Variants in SLC5A11 observed in about 807,000 individuals in gnomAD.
SLC5A11 encodes solute carrier family 5 member 11, also known as sodium/myo-inositol cotransporter 2.
A neutral mutation model predicts 69.8 loss-of-function variants in SLC5A11; 48 were observed. The ratio of observed to expected loss-of-function variants is 0.69; its 90% CI spans 0.55 to 0.87. The LOEUF is 0.87. Among genes scored for constraint, SLC5A11 ranks in the 40% least tolerant of loss-of-function variants. The pLI, the probability that SLC5A11 is intolerant of heterozygous loss-of-function variation, is 0.00. For synonymous variants in SLC5A11, 319 were observed against 342.4 expected, an observed-to-expected ratio of 0.93 and a Z score of 0.75; for missense variants, 784 against 866.1, an observed-to-expected ratio of 0.91 and a Z score of 1.19.
At position 24,849,572 on chromosome 16, in the gene SLC5A11, C is replaced by CAAAAAAAAAAAAAAA. The variant is rs1182615959; in HGVS notation, c.-25+3142_-25+3156dup. On this transcript the variant is annotated intron_variant, in intron 1 of 15. Coordinates refer to ENST00000347898, the Ensembl canonical transcript of SLC5A11. ...ACAGAGCGAGACTCTGCCTTGGGGG[C>CAAAAAAAAAAAAAAA]AAAAAAAAAAAAAAAAAAAAAATAT... 4.2e-4 allele frequency among the ~76,000 whole-genome samples: 16 copies of CAAAAAAAAAAAAAAA among 38,480 alleles called. 3 individuals are homozygous for CAAAAAAAAAAAAAAA. The highest frequency in any genetic ancestry group is 1.1e-3 in the African/African-American group (9 of 8,514). 25.2% of individuals were successfully genotyped at this position (38,480 alleles called of 152,430 possible). A position where few individuals can be genotyped will look rare whatever the true frequency, so the allele number is the denominator to read the frequency against.
intron 3 of SLC5A11, 68 bp downstream of exon 4, chr16:24,862,740 C>G (rs1242269075): frequency 1.4e-6 from 2 of 1,423,186 alleles, no homozygotes; most frequent in East Asian, 2.3e-5. Context: ...TTCTGTCCAG[C>G]CTTTGATATC....
intron 8 of SLC5A11, among the ~76,000 whole-genome samples, chr16:24,885,751 T>C (rs990942137): frequency 6.7e-6 from 1 of 149,238 alleles, no homozygotes; most frequent in Admixed American, 6.7e-5. Flanking sequence ...TGGCAGAATA[T>C]AGTGCTGAAA....
chr16:24,899,712 T>C (rs1431341020), intron 10 of SLC5A11, among the ~76,000 whole-genome samples: 2 of 151,548 alleles, frequency 1.3e-5, no homozygotes, highest in Admixed American at 1.3e-4. Context: ...TGCGGTACTT[T>C]TTCTTTTTTT....
chr16:24,849,590 AAAAAT>A (rs1402148331), intron 1 of SLC5A11, among the ~76,000 whole-genome samples: 264 of 88,752 alleles, frequency 3.0e-3, no homozygotes, highest in Non-Finnish European at 4.6e-3. Context: ...AAAAAAAAAA[AAAAAT>A]ATATATATAT....
At chr16:24,907,204 A>AGG in intron 12 of SLC5A11, 29 bp downstream of exon 13, 1 of 1,611,576 alleles carries the variant, frequency 6.2e-7, no homozygotes, top group Non-Finnish European at 8.5e-7. Context: ...GGGCTGGGGC[A>AGG]GGGGGAAGAG....
chr16:24,907,623 G>A (rs1245263776), intron 12 of SLC5A11, among the ~76,000 whole-genome samples: 3 of 151,774 alleles, frequency 2.0e-5, no homozygotes, highest in African/African-American at 7.3e-5. Flanking sequence ...CAGGAGAATC[G>A]TTTGAACCCA....
chr16:24,903,066 CA>C (rs1350364790), intron 10 of SLC5A11, among the ~76,000 whole-genome samples: 1 of 152,152 alleles, frequency 6.6e-6, no homozygotes, highest in African/African-American at 2.4e-5. Context: ...TCTGGAGGCC[CA>C]GACCAGTGCT....
At chr16:24,869,976 G>A in exon 4 of SLC5A11, 1 of 1,613,914 alleles carries the variant, frequency 6.2e-7, no homozygotes, top group Non-Finnish European at 8.5e-7. Context: ...TGCTGCTACG[G>A]GCATTTCTGT....
At chr16:24,872,099 A>G in intron 4 of SLC5A11, 61 bp from the exon 6 acceptor site, 1 of 1,608,718 alleles carries the variant, frequency 6.2e-7, no homozygotes, top group Non-Finnish European at 8.5e-7. Flanking sequence ...GCAGAGGGAA[A>G]TCCAAATGGG....
intron 10 of SLC5A11, among the ~76,000 whole-genome samples, chr16:24,905,269 C>CA (rs34703027): frequency 0.094 from 7,506 of 79,820 alleles, 574 homozygotes; most frequent in African/African-American, 0.13. Context: ...ACTAAAAATA[C>CA]AAAAAAAAAA....
At chr16:24,847,031 G>A (rs1181144880) in intron 1 of SLC5A11, among the ~76,000 whole-genome samples, 8 of 152,190 alleles carry the variant, frequency 5.3e-5, no homozygotes, top group African/African-American at 1.7e-4. Flanking sequence ...ACTTGCTCAA[G>A]GTAATACAGA....
intron 7 of SLC5A11, among the ~76,000 whole-genome samples, chr16:24,879,817 C>A (rs1209294084): frequency 6.6e-6 from 1 of 152,198 alleles, no homozygotes. Flanking sequence ...ATAAGGGCCT[C>A]CAGCTGCATT....
chr16:24,883,041 T>A (rs2048147572), intron 7 of SLC5A11, among the ~76,000 whole-genome samples: 1 of 152,174 alleles, frequency 6.6e-6, no homozygotes, highest in African/African-American at 2.4e-5. Flanking sequence ...TCTGAATACC[T>A]AATACTCACA....
chr16:24,908,819 T>C (rs371401949), intron 13 of SLC5A11, 62 bp from the exon 15 acceptor site: 1 of 1,538,174 alleles, frequency 6.5e-7, no homozygotes. Context: ...AGATGGCTTC[T>C]TGAGGTTCCT....
At chr16:24,911,205 A>G in intron 15 of SLC5A11, 123 bp from the exon 17 acceptor site, 1 of 803,808 alleles carries the variant, frequency 1.2e-6, no homozygotes. Flanking sequence ...TCAGTCGGGC[A>G]TAGTGGATGG....
chr16:24,893,761 AG>A (rs2048970690), intron 9 of SLC5A11, among the ~76,000 whole-genome samples: 1 of 151,894 alleles, frequency 6.6e-6, no homozygotes, highest in Non-Finnish European at 1.5e-5. Context: ...TTGTAGAGAT[AG>A]GGTTTCGCTA....
chr16:24,876,726 G>A (rs944173364), intron 6 of SLC5A11, among the ~76,000 whole-genome samples: 3 of 152,218 alleles, frequency 2.0e-5, no homozygotes, highest in Non-Finnish European at 4.4e-5. Flanking sequence ...TCTAGGGGAA[G>A]TTACATCCCA....
intron 10 of SLC5A11, among the ~76,000 whole-genome samples, chr16:24,905,628 ACGCG>A (rs148096402): frequency 8.6e-5 from 11 of 128,544 alleles, no homozygotes; most frequent in Admixed American, 6.5e-4. Context: ...TCTCAAAAAC[ACGCG>A]CGCGCGCGCA....
chr16:24,877,962 T>A (rs1009264971), intron 7 of SLC5A11, among the ~76,000 whole-genome samples: 8 of 151,902 alleles, frequency 5.3e-5, no homozygotes, highest in African/African-American at 1.9e-4. Flanking sequence ...CCAGCCTGGG[T>A]GACAGAGCGA....
Sources: gnomAD v4.1 joint callset for allele counts (sites outside exome capture counted in the v4.1 genomes callset) on GRCh38, gnomAD v4.1.1 for gene constraint, MANE v1.5 for transcripts, NCBI Gene and HGNC (gene_info 2026-07-23, HGNC 2026-07-21) for gene names.